Variants in UBE2E3 observed in about 807,000 individuals in gnomAD.
UBE2E3 encodes ubiquitin-conjugating enzyme E2 E3.
A neutral mutation model predicts 23.6 loss-of-function variants in UBE2E3; 5 were observed. That is an observed-to-expected ratio of 0.21 (90% CI 0.11 to 0.44). The LOEUF is 0.44. Among genes scored for constraint, UBE2E3 ranks in the 20% least tolerant of loss-of-function variants. The probability of loss-of-function intolerance (pLI) is 0.99; values close to 1 mark genes in which losing one functional copy is unlikely to be tolerated. For missense variants in UBE2E3, 81 were observed against 249.8 expected (o/e 0.32, Z 4.55); for synonymous variants, 78 against 87.5 (o/e 0.89, Z 0.60).
At chr2:181,015,291 T>G (rs757249077) in intron 3 of UBE2E3, among the ~76,000 whole-genome samples, 3 of 152,168 alleles carry the variant, frequency 2.0e-5, no homozygotes, top group Non-Finnish European at 2.9e-5. Context: ...CATTAGGACA[T>G]TTTAAAATGA....
At chr2:181,055,144 G>T (rs1686953937) in intron 3 of UBE2E3, among the ~76,000 whole-genome samples, 4 of 151,790 alleles carry the variant, frequency 2.6e-5, no homozygotes, top group African/African-American at 9.7e-5. Context: ...AACAACAGAG[G>T]AGAGAAACTG....
At chr2:181,023,867 G>T (rs1685786749) in intron 3 of UBE2E3, among the ~76,000 whole-genome samples, 1 of 152,124 alleles carries the variant, frequency 6.6e-6, no homozygotes, top group South Asian at 2.1e-4. Flanking sequence ...CTCCACGTAA[G>T]TTCGTGCTAG....
chr2:181,041,125 G>A (rs748019851), intron 3 of UBE2E3, among the ~76,000 whole-genome samples: 13 of 148,994 alleles, frequency 8.7e-5, no homozygotes, highest in Non-Finnish European at 1.3e-4. Context: ...GCACGTGCCT[G>A]TAGTCCCAGC....
At chr2:180,998,390 T>C (rs1684893900) in intron 3 of UBE2E3, among the ~76,000 whole-genome samples, 1 of 152,044 alleles carries the variant, frequency 6.6e-6, no homozygotes, top group Non-Finnish European at 1.5e-5. Flanking sequence ...AGGATTCAGG[T>C]AGTAGTGTGA....
chr2:181,041,123 C>T (rs1686481053), intron 3 of UBE2E3, among the ~76,000 whole-genome samples: 1 of 149,522 alleles, frequency 6.7e-6, no homozygotes. Context: ...CAGCACGTGC[C>T]TGTAGTCCCA....
chr2:180,982,851 A>G (rs1684345501), intron 2 of UBE2E3, among the ~76,000 whole-genome samples: 1 of 152,176 alleles, frequency 6.6e-6, no homozygotes, highest in Admixed American at 6.5e-5. Flanking sequence ...GCCCTTTACA[A>G]TTTGAGGTGT....
At chr2:181,026,819 T>C (rs918602434) in intron 3 of UBE2E3, among the ~76,000 whole-genome samples, 2 of 151,770 alleles carry the variant, frequency 1.3e-5, no homozygotes, top group African/African-American at 4.8e-5. Context: ...TGAACAGATA[T>C]CATCAGTAAA....
intron 3 of UBE2E3, among the ~76,000 whole-genome samples, chr2:181,015,253 C>T (rs961380186): frequency 1.3e-5 from 2 of 152,074 alleles, no homozygotes; most frequent in African/African-American, 2.4e-5. Flanking sequence ...GCATTTATGG[C>T]CCAATATTTT....
intron 3 of UBE2E3, among the ~76,000 whole-genome samples, chr2:180,992,684 C>G (rs1158937176): frequency 6.6e-6 from 1 of 151,920 alleles, no homozygotes; most frequent in African/African-American, 2.4e-5. Context: ...TTTTTGGAGA[C>G]AGAGTCTCAC....
intron 3 of UBE2E3, among the ~76,000 whole-genome samples, chr2:181,010,025 T>G (rs1381732069): frequency 2.0e-5 from 3 of 152,158 alleles, no homozygotes; most frequent in African/African-American, 4.8e-5. Context: ...TACCCAGATA[T>G]GTGGTTGCAA....
chr2:181,054,056 G>A (rs987989667), intron 3 of UBE2E3, among the ~76,000 whole-genome samples: 4 of 151,618 alleles, frequency 2.6e-5, no homozygotes, highest in African/African-American at 9.7e-5. Context: ...ATAATATTTC[G>A]TTGTCTGGAG....
intron 3 of UBE2E3, among the ~76,000 whole-genome samples, chr2:181,037,264 A>G (rs6433881): frequency 0.23 from 35,362 of 152,106 alleles, 4,484 homozygotes; most frequent in Non-Finnish European, 0.28. Flanking sequence ...TATTTACTGT[A>G]CTTTTTATTG....
chr2:180,996,370 G>A (rs1049144374), intron 3 of UBE2E3, among the ~76,000 whole-genome samples: 3 of 152,154 alleles, frequency 2.0e-5, no homozygotes, highest in Non-Finnish European at 4.4e-5. Context: ...CTATAGGTCT[G>A]CTTTAAGTTT....
At chr2:180,997,408 G>T (rs149303290) in intron 3 of UBE2E3, among the ~76,000 whole-genome samples, 2 of 151,398 alleles carry the variant, frequency 1.3e-5, no homozygotes, top group African/African-American at 2.4e-5. Flanking sequence ...TTTTGTATGC[G>T]CATGTTCTCT....
intron 3 of UBE2E3, among the ~76,000 whole-genome samples, chr2:181,007,918 C>T (rs1426846839): frequency 6.6e-6 from 1 of 152,202 alleles, no homozygotes; most frequent in Non-Finnish European, 1.5e-5. Flanking sequence ...TTAATGAAGT[C>T]TTGAACCCTT....
intron 3 of UBE2E3, among the ~76,000 whole-genome samples, chr2:181,032,472 A>G (rs1302194692): frequency 6.6e-6 from 1 of 152,224 alleles, no homozygotes; most frequent in Non-Finnish European, 1.5e-5. Flanking sequence ...CGTGGATAAG[A>G]TAATGAAGTT....
At chr2:181,021,085 G>A (rs187932712) in intron 3 of UBE2E3, among the ~76,000 whole-genome samples, 40 of 152,286 alleles carry the variant, frequency 2.6e-4, no homozygotes, top group African/African-American at 8.2e-4. Context: ...TTATTTCAGG[G>A]AAAGGTGGTT....
At position 181,028,178 on chromosome 2, in the gene UBE2E3, A is replaced by G. The variant is rs183936400; in HGVS notation, c.246-29515A>G. 4.7e-3 allele frequency among the ~76,000 whole-genome samples: 719 copies of G among 152,226 alleles called. 7 individuals carry two copies. Among genetic ancestry groups the G allele is most frequent in the African/African-American group, 0.016 (665 of 41,564 alleles). ...GTAATTACCTATTAATGTAATTATTATAATGTAATTATACTTTTTTCTCTT... is the reference window on the plus strand; with the variant it reads ...GTAATTACCTATTAATGTAATTATTGTAATGTAATTATACTTTTTTCTCTT... On this transcript the variant is annotated intron_variant, in intron 3 of 5. Transcript: ENST00000410062.
intron 3 of UBE2E3, among the ~76,000 whole-genome samples, chr2:180,998,127 C>A (rs750769542): frequency 6.6e-6 from 1 of 152,026 alleles, no homozygotes; most frequent in African/African-American, 2.4e-5. Flanking sequence ...AGCAACTGTG[C>A]TTGACCGTAC....
Sources: allele counts gnomAD v4.1 joint callset (sites outside exome capture counted in the v4.1 genomes callset), GRCh38; gene constraint gnomAD v4.1.1; transcripts MANE v1.5; gene names NCBI Gene and HGNC (gene_info 2026-07-23, HGNC 2026-07-21).